The following ULK4 variants were observed in gnomAD, a reference collection of about 807,000 sequenced individuals.
The protein encoded by ULK4 is unc-51 like kinase 4.
Under a neutral mutation model 160.6 loss-of-function variants are expected in ULK4, and 133 were observed. That is an observed-to-expected ratio of 0.83 (90% CI 0.72 to 0.96). The LOEUF is 0.96. ULK4 is among the 40% of genes least tolerant of loss of function. The pLI is 0.00. For synonymous variants in ULK4, 534 were observed against 539.8 expected (o/e 0.99, Z 0.15); for missense variants, 1,580 against 1,499.5 (o/e 1.05, Z -0.89).
intron 21 of ULK4, among the ~76,000 whole-genome samples, chr3:41,772,323 C>G (rs948622350): frequency 6.6e-6 from 1 of 151,748 alleles, no homozygotes; most frequent in Non-Finnish European, 1.5e-5. Flanking sequence ...AGACTGCTAG[C>G]AAGACTAATA....
At chr3:41,278,582 G>A (rs1222706325) in intron 35 of ULK4, among the ~76,000 whole-genome samples, 1 of 152,114 alleles carries the variant, frequency 6.6e-6, no homozygotes, top group Non-Finnish European at 1.5e-5. Flanking sequence ...TGCCCCTCTG[G>A]GACAAAGCTT....
chr3:41,567,711 C>T (rs912168727), intron 31 of ULK4, among the ~76,000 whole-genome samples: 2 of 152,086 alleles, frequency 1.3e-5, no homozygotes, highest in Non-Finnish European at 2.9e-5. Flanking sequence ...GATCCATCTG[C>T]CTCAGCCTCC....
At chr3:41,520,322 T>C (rs940211768) in intron 32 of ULK4, among the ~76,000 whole-genome samples, 4 of 152,190 alleles carry the variant, frequency 2.6e-5, no homozygotes, top group Non-Finnish European at 5.9e-5. Flanking sequence ...TTTGTTCTTC[T>C]GTGCCTGGCT....
At chr3:41,677,519 G>A (rs569885899) in intron 29 of ULK4, among the ~76,000 whole-genome samples, 2 of 151,274 alleles carry the variant, frequency 1.3e-5, no homozygotes, top group African/African-American at 2.4e-5. Context: ...CTTTAGTAGA[G>A]ACCAGGTTTC....
chr3:41,435,490 T>C (rs1449160793), intron 34 of ULK4, among the ~76,000 whole-genome samples: 2 of 152,262 alleles, frequency 1.3e-5, no homozygotes, highest in African/African-American at 4.8e-5. Flanking sequence ...TGACTGGTTT[T>C]ACCAGATAAT....
chr3:41,831,035 G>T (rs9816560), intron 18 of ULK4, among the ~76,000 whole-genome samples: 11,374 of 97,854 alleles, frequency 0.12, 1,345 homozygotes, highest in African/African-American at 0.45. Context: ...TTTATTTATT[G>T]ATTTATTTAT....
intron 32 of ULK4, among the ~76,000 whole-genome samples, chr3:41,551,935 C>T (rs10865907): frequency 0.42 from 63,182 of 151,458 alleles, 14,575 homozygotes; most frequent in Non-Finnish European, 0.51. Context: ...GGGATTTATT[C>T]CAGGGACACA....
chr3:41,948,920 A>C (rs1339807513), intron 2 of ULK4, among the ~76,000 whole-genome samples: 1 of 152,088 alleles, frequency 6.6e-6, no homozygotes, highest in Non-Finnish European at 1.5e-5. Context: ...TCCTAGCCAG[A>C]GCAATTACAC....
At chr3:41,952,240 GCAC>G (rs1700316663) in intron 2 of ULK4, among the ~76,000 whole-genome samples, 1 of 151,964 alleles carries the variant, frequency 6.6e-6, no homozygotes, top group Non-Finnish European at 1.5e-5. Context: ...ACATCAAAAG[GCAC>G]TATCAACAAA....
chr3:41,531,306 T>G (rs1436768179), intron 32 of ULK4, among the ~76,000 whole-genome samples: 3 of 149,658 alleles, frequency 2.0e-5, no homozygotes, highest in Non-Finnish European at 3.0e-5. Context: ...CCAGGTATGG[T>G]GGTGGGCGCC....
intron 35 of ULK4, among the ~76,000 whole-genome samples, chr3:41,258,985 G>T (rs1374288956): frequency 2.0e-5 from 3 of 148,624 alleles, no homozygotes; most frequent in Non-Finnish European, 3.0e-5. Flanking sequence ...TATATATACA[G>T]ATATACATAT....
intron 35 of ULK4, among the ~76,000 whole-genome samples, chr3:41,287,150 A>G (rs2079476336): frequency 6.6e-6 from 1 of 152,218 alleles, no homozygotes; most frequent in Non-Finnish European, 1.5e-5. Flanking sequence ...ATCTCAATGG[A>G]AAATGGCAAG....
At chr3:41,953,410 C>G (rs1279441773) in intron 2 of ULK4, among the ~76,000 whole-genome samples, 2 of 150,754 alleles carry the variant, frequency 1.3e-5, no homozygotes, top group African/African-American at 4.9e-5. Context: ...TCAAGCGGTT[C>G]TCCTGCCTCA....
At chr3:41,688,280 A>T (rs2036165149) in intron 27 of ULK4, among the ~76,000 whole-genome samples, 2 of 152,074 alleles carry the variant, frequency 1.3e-5, no homozygotes, top group African/African-American at 4.8e-5. Context: ...ATAGCCAAGC[A>T]TGGTGGCTCA....
chr3:41,628,612 T>G (rs1373460157), intron 30 of ULK4, among the ~76,000 whole-genome samples: 1 of 152,178 alleles, frequency 6.6e-6, no homozygotes, highest in East Asian at 1.9e-4. Flanking sequence ...TGTTCCAGAC[T>G]AAGGAGACAG....
intron 32 of ULK4, among the ~76,000 whole-genome samples, chr3:41,548,777 C>A (rs1329740639): frequency 6.6e-6 from 1 of 151,758 alleles, no homozygotes; most frequent in Non-Finnish European, 1.5e-5. Flanking sequence ...ATCCAGGGAC[C>A]CAAAGACAGG....
chr3:41,377,411 G>C (rs1466047088), intron 35 of ULK4, among the ~76,000 whole-genome samples: 1 of 150,238 alleles, frequency 6.7e-6, no homozygotes, highest in East Asian at 2.0e-4. Flanking sequence ...CACAGCAAAA[G>C]AAACTACCAT....
At chr3:41,883,723 A>G in intron 17 of ULK4, 151 bp downstream of exon 17, 1 of 721,722 alleles carries the variant, frequency 1.4e-6, no homozygotes, top group Non-Finnish European at 2.5e-6. Flanking sequence ...TTTAAGCCTA[A>G]AGGTCTGTTG....
chr3:41,812,625 G>A (rs1290852374), intron 19 of ULK4, among the ~76,000 whole-genome samples: 2 of 152,196 alleles, frequency 1.3e-5, no homozygotes, highest in East Asian at 3.9e-4. Context: ...TAATCCCCGG[G>A]GGCTCCACTT....
Sources: allele counts gnomAD v4.1 joint callset (sites outside exome capture counted in the v4.1 genomes callset), GRCh38; gene constraint gnomAD v4.1.1; transcripts MANE v1.5; gene names NCBI Gene and HGNC (gene_info 2026-07-23, HGNC 2026-07-21).